Variants in METTL15 observed in about 807,000 individuals in gnomAD.
The protein encoded by METTL15 is 12S rRNA N(4)-cytidine methyltransferase METTL15.
METTL15 carries 34 observed loss-of-function variants against 38.3 expected under a neutral mutation model. That is an observed-to-expected ratio of 0.89 (90% CI 0.68 to 1.18). The LOEUF is 1.18. METTL15 is among the 50% of genes most tolerant of loss of function. METTL15 has a pLI of 0.00. For synonymous variants in METTL15, 162 were observed against 170.9 expected (o/e 0.95, Z 0.41); for missense variants, 438 against 498.4 (o/e 0.88, Z 1.15).
intron 5 of METTL15, among the ~76,000 whole-genome samples, chr11:28,373,456 T>G (rs2133377306): frequency 6.6e-6 from 1 of 152,192 alleles, no homozygotes; most frequent in Non-Finnish European, 1.5e-5. Flanking sequence ...TCGCCCACTT[T>G]TTGATGGGGT....
intron 4 of METTL15, among the ~76,000 whole-genome samples, chr11:28,253,556 T>C (rs948775958): frequency 2.0e-5 from 3 of 152,098 alleles, no homozygotes; most frequent in Non-Finnish European, 2.9e-5. Context: ...ATTAACTCTT[T>C]CTATTTTTTT....
intron 2 of METTL15, among the ~76,000 whole-genome samples, 151 bp from the exon 3 acceptor site, chr11:28,113,167 G>A (rs1409570588): frequency 6.6e-6 from 1 of 151,862 alleles, no homozygotes; most frequent in East Asian, 1.9e-4. Context: ...TATAAGAAGG[G>A]TTTGTCACCT....
intron 6 of METTL15, among the ~76,000 whole-genome samples, chr11:28,326,202 G>C (rs1026186045): frequency 2.0e-5 from 3 of 152,116 alleles, no homozygotes; most frequent in African/African-American, 7.2e-5. Context: ...CCTCAAGGGC[G>C]GGGACCATTT....
chr11:28,249,821 C>A lies in METTL15; in HGVS notation c.407+38623C>A, dbSNP rs1327258938. On this transcript the variant is annotated intron_variant, in intron 4 of 6. Transcript: ENST00000407364. ...AGGTTTGGCGTATAGATTATTTCAT[C>A]CCCCAGGTAATAAGCACAATACCTG... Among the ~76,000 whole-genome samples, 6 of 151,838 alleles carry A rather than the reference C, an allele frequency of 4.0e-5. No homozygotes were observed. The East Asian group carries it at 1.2e-3, about 29-fold the overall frequency.
downstream of METTL15, among the ~76,000 whole-genome samples, chr11:28,528,525 T>A (rs1378151432): frequency 6.6e-6 from 1 of 152,158 alleles, no homozygotes; most frequent in Non-Finnish European, 1.5e-5. Flanking sequence ...TGAACCCAGA[T>A]GTGAATTGGG....
chr11:28,521,014 TC>T (rs1298457532), intron 6 of METTL15, among the ~76,000 whole-genome samples: 1 of 152,026 alleles, frequency 6.6e-6, no homozygotes, highest in Non-Finnish European at 1.5e-5. Flanking sequence ...CTATCAAACT[TC>T]TTTTTTTTTT....
chr11:28,113,213 C>A (rs1851787659), intron 2 of METTL15, 105 bp from the exon 3 acceptor site: 2 of 756,746 alleles, frequency 2.6e-6, no homozygotes, highest in Middle Eastern at 3.9e-4. Flanking sequence ...TGAGTCTTAA[C>A]TTTTTTTTGA....
At chr11:28,324,532 C>T (rs1241843258) in intron 6 of METTL15, among the ~76,000 whole-genome samples, 1 of 152,146 alleles carries the variant, frequency 6.6e-6, no homozygotes, top group Non-Finnish European at 1.5e-5. Flanking sequence ...TAAGTGCATG[C>T]AATCAGTTGT....
chr11:28,414,354 T>G (rs1850754001), intron 5 of METTL15, among the ~76,000 whole-genome samples: 2 of 152,030 alleles, frequency 1.3e-5, no homozygotes, highest in Non-Finnish European at 2.9e-5. Context: ...CCGAACCTGT[T>G]CAATCTCCTG....
intron 4 of METTL15, among the ~76,000 whole-genome samples, chr11:28,278,226 G>A (rs1855916740): frequency 2.6e-5 from 4 of 152,020 alleles, no homozygotes; most frequent in Non-Finnish European, 5.9e-5. Flanking sequence ...CACACACTGG[G>A]GCATTGGAAT....
At chr11:28,483,052 T>C (rs1426259419) in intron 6 of METTL15, among the ~76,000 whole-genome samples, 2 of 151,734 alleles carry the variant, frequency 1.3e-5, no homozygotes, top group Non-Finnish European at 2.9e-5. Context: ...AAAAAAATGC[T>C]GCTAACCAGT....
At chr11:28,206,099 C>T (rs968306537) in intron 3 of METTL15, among the ~76,000 whole-genome samples, 3 of 148,896 alleles carry the variant, frequency 2.0e-5, no homozygotes, top group African/African-American at 5.1e-5. Flanking sequence ...TGTGCAGAAG[C>T]TCTTTAGTTT....
intron 6 of METTL15, among the ~76,000 whole-genome samples, chr11:28,493,791 A>G (rs1026020446): frequency 6.6e-6 from 1 of 152,210 alleles, no homozygotes; most frequent in Non-Finnish European, 1.5e-5. Flanking sequence ...TAGCAGTGAC[A>G]TTATCTTGTT....
Position 28,226,129 on chromosome 11 carries a change from T to A in METTL15, c.407+14931T>A, listed in dbSNP as rs555660324. Among the ~76,000 whole-genome samples the A allele has an allele frequency of 2.6e-5, 4 of 152,100 alleles. No individual in the cohort carries two copies. The South Asian group carries it at 8.3e-4, about 31-fold the overall frequency. ...TACCATTTCATTTCTATATTTTATT[T>A]GTGAACAGAGTATATACATCAAGCA... On this transcript the variant is annotated intron_variant, in intron 4 of 6. Coordinates refer to ENST00000407364, the MANE Select transcript of METTL15 (RefSeq NM_001113528.2).
intron 6 of METTL15, among the ~76,000 whole-genome samples, chr11:28,511,080 A>G (rs1851669790): frequency 6.6e-6 from 1 of 152,154 alleles, no homozygotes; most frequent in Admixed American, 6.5e-5. Flanking sequence ...TAATATTTTA[A>G]AAGTACTGGG....
intron 3 of METTL15, among the ~76,000 whole-genome samples, chr11:28,205,150 C>A (rs1565163913): frequency 6.6e-6 from 1 of 151,814 alleles, no homozygotes; most frequent in Admixed American, 6.6e-5. Flanking sequence ...TACATGTGCA[C>A]AATGTGCAGG....
chr11:28,142,136 G>T (rs1422006185), intron 3 of METTL15, among the ~76,000 whole-genome samples: 1 of 152,168 alleles, frequency 6.6e-6, no homozygotes, highest in Admixed American at 6.5e-5. Flanking sequence ...AACAAATTTA[G>T]TTTAAAGATG....
chr11:28,496,367 T>C (rs1351807488), intron 6 of METTL15, among the ~76,000 whole-genome samples: 1 of 152,218 alleles, frequency 6.6e-6, no homozygotes, highest in African/African-American at 2.4e-5. Flanking sequence ...ATTACCTCCA[T>C]GTGGCCCCGC....
chr11:28,301,176 T>C (rs1447556666), intron 6 of METTL15, among the ~76,000 whole-genome samples: 2 of 152,152 alleles, frequency 1.3e-5, no homozygotes, highest in Non-Finnish European at 2.9e-5. Context: ...TCCAGCCATA[T>C]TGAAGTTCTT....
Sources: allele counts gnomAD v4.1 joint callset (sites outside exome capture counted in the v4.1 genomes callset), GRCh38; gene constraint gnomAD v4.1.1; transcripts MANE v1.5; gene names NCBI Gene and HGNC (gene_info 2026-07-23, HGNC 2026-07-21).